Variants in PRH1 observed in about 807,000 individuals in gnomAD.
PRH1 encodes the protein proline rich protein HaeIII subfamily 1.
In PRH1, 7 loss-of-function variants were observed where a neutral mutation model predicts 7.9. That is an observed-to-expected ratio of 0.89 (90% CI 0.50 to 1.67). The LOEUF (loss-of-function observed/expected upper bound fraction) is 1.67. Ranked by LOEUF, PRH1 falls within the 40% of genes most tolerant of loss-of-function variation. PRH1 has a pLI of 0.00. For missense variants in PRH1, 109 were observed against 223.6 expected (o/e 0.49, Z 3.27); for synonymous variants, 45 against 80.8 (o/e 0.56, Z 2.38).
intron 1 of PRH1, among the ~76,000 whole-genome samples, chr12:11,070,106 C>T (rs1271657235): frequency 4.6e-5 from 7 of 152,140 alleles, no homozygotes; most frequent in Admixed American, 2.0e-4. Context: ...AGCTGATGCC[C>T]TGGCAGTTGA....
intron 1 of PRH1, among the ~76,000 whole-genome samples, chr12:11,087,136 C>T (rs1180105200): frequency 3.5e-3 from 293 of 83,476 alleles, no homozygotes; most frequent in East Asian, 5.2e-3. Flanking sequence ...CAGTCTCCCT[C>T]TGTTACCCAA....
At position 11,168,272 on chromosome 12, in the gene PRH1, GAAAGAAAGAAAGAAAGAAAGAAAGAAA is replaced by G. The variant is rs1947666228; in HGVS notation, n.39+3123_39+3149del. On this transcript the variant is annotated intron_variant and non_coding_transcript_variant, in intron 1 of 1. Coordinates refer to the PRH1 transcript ENST00000541175. Reference sequence around the variant, plus strand: ...AGAAAGAAAGAAAGAAAGAAAGAAAGAAAGAAAGAAAGAAAGAAAGAAAGAAAGAAGGAAGGAAGGAAGGAAGGAAGG... The same window carrying G: ...AGAAAGAAAGAAAGAAAGAAAGAAAGGAAGGAAGGAAGGAAGGAAGGAAGG... Among the ~76,000 whole-genome samples the G allele has an allele frequency of 5.3e-4, 17 of 32,016 alleles. 1 individual carries two copies. The highest frequency in any genetic ancestry group is 1.1e-3 in the Non-Finnish European group (13 of 12,156). The allele number at this position is 32,016 out of a possible 152,430, so 21.0% of individuals were successfully genotyped here.
chr12:10,886,804 T>C (rs1949499035), upstream of PRH1, among the ~76,000 whole-genome samples: 1 of 152,330 alleles, frequency 6.6e-6, no homozygotes, highest in East Asian at 1.9e-4. Flanking sequence ...CAGGAACTTA[T>C]GCATTAGCCG....
At chr12:10,947,977 A>T (rs1460233524) in intron 2 of PRH1, among the ~76,000 whole-genome samples, 1 of 152,114 alleles carries the variant, frequency 6.6e-6, no homozygotes, top group Non-Finnish European at 1.5e-5. Flanking sequence ...CTAATTTGTA[A>T]GAACTCAGCT....
intron 1 of PRH1, chr12:11,077,944 G>T: frequency 1.1e-6 from 1 of 926,742 alleles, no homozygotes; most frequent in Non-Finnish European, 1.7e-6. Flanking sequence ...GCTGAGGCTA[G>T]CAGCAAGCCA....
chr12:11,054,546 T>G (rs563451248), intron 1 of PRH1, among the ~76,000 whole-genome samples: 138 of 152,286 alleles, frequency 9.1e-4, no homozygotes, highest in African/African-American at 3.2e-3. Context: ...AACTTTGTAC[T>G]ATCAAAATAT....
chr12:10,889,365 T>C (rs1440504173), intron 2 of PRH1, among the ~76,000 whole-genome samples: 1 of 152,240 alleles, frequency 6.6e-6, no homozygotes, highest in Non-Finnish European at 1.5e-5. Flanking sequence ...TTCTGGTTTC[T>C]GGTGATAATA....
At chr12:10,887,755 T>A (rs896419897), upstream of PRH1, among the ~76,000 whole-genome samples, 13 of 152,114 alleles carry the variant, frequency 8.5e-5, no homozygotes, top group Non-Finnish European at 1.5e-4. Flanking sequence ...GTCACATGGC[T>A]AGGGTCACTG....
intron 1 of PRH1, among the ~76,000 whole-genome samples, chr12:11,153,283 A>G (rs28542794): frequency 0.21 from 32,189 of 152,140 alleles, 4,000 homozygotes; most frequent in Non-Finnish European, 0.27. Context: ...CTAACATAAC[A>G]TTCCTACGAC....
intron 1 of PRH1, among the ~76,000 whole-genome samples, chr12:11,160,149 T>A (rs959416709): frequency 1.3e-5 from 2 of 152,232 alleles, no homozygotes; most frequent in African/African-American, 4.8e-5. Context: ...AAATTTTGAA[T>A]AGAAATTGTT....
At chr12:11,091,846 G>T in intron 1 of PRH1, 6 of 1,470,470 alleles carry the variant, frequency 4.1e-6, no homozygotes, top group Non-Finnish European at 5.7e-6. Context: ...TCACCAGAAT[G>T]ACACTCTTAA....
chr12:11,132,980 T>G (rs1946410701), intron 1 of PRH1: 1 of 288,838 alleles, frequency 3.5e-6, no homozygotes, highest in Non-Finnish European at 6.3e-6. Context: ...ATATAAATTC[T>G]ACAAATGAAA....
chr12:11,023,824 C>A (rs1941778280), intron 1 of PRH1, among the ~76,000 whole-genome samples: 1 of 152,166 alleles, frequency 6.6e-6, no homozygotes, highest in African/African-American at 2.4e-5. Flanking sequence ...ATCCACCAAA[C>A]CTAGGTTAGA....
chr12:11,159,964 C>G (rs575603904), intron 1 of PRH1, among the ~76,000 whole-genome samples: 2 of 152,172 alleles, frequency 1.3e-5, no homozygotes, highest in Admixed American at 1.3e-4. Flanking sequence ...TATATAATTT[C>G]TAGAACAAAC....
intron 1 of PRH1, among the ~76,000 whole-genome samples, chr12:11,036,364 C>T (rs1346847499): frequency 6.6e-6 from 1 of 152,184 alleles, no homozygotes; most frequent in Non-Finnish European, 1.5e-5. Flanking sequence ...TGGAATTCCA[C>T]CATTTAATCC....
chr12:11,022,354 G>T, intron 1 of PRH1: 1 of 1,614,108 alleles, frequency 6.2e-7, no homozygotes, highest in Non-Finnish European at 8.5e-7. Context: ...ATATAAAGCA[G>T]AATTAAACAC....
chr12:10,924,701 G>A (rs984478038), intron 2 of PRH1, among the ~76,000 whole-genome samples: 1 of 152,178 alleles, frequency 6.6e-6, no homozygotes, highest in African/African-American at 2.4e-5. Context: ...TATACTCAGG[G>A]ATTCAAATTC....
chr12:10,908,910 A>G (rs1949850551), intron 2 of PRH1: 2 of 1,612,884 alleles, frequency 1.2e-6, no homozygotes, highest in Non-Finnish European at 1.7e-6. Context: ...TATCATCAGA[A>G]TCACTTTGTT....
Position 11,036,801 on chromosome 12 carries a change from A to C in PRH1, c.-126+10219T>G, listed in dbSNP as rs573489244. Among the ~76,000 whole-genome samples the C allele has an allele frequency of 7.2e-5, 11 of 152,350 alleles. No homozygotes were observed. In the South Asian group the frequency reaches 2.3e-3, roughly 32 times the overall value. On this transcript the variant is annotated intron_variant, in intron 1 of 3. Coordinates refer to the PRH1 transcript ENST00000539853. The stretch of plus-strand genomic sequence containing the variant: ...AAATTATGTATTTAAATATTTCAAA[A>C]ACAAACCACTTCATGATATAGATGA...
Sources: allele counts gnomAD v4.1 joint callset (sites outside exome capture counted in the v4.1 genomes callset), GRCh38; gene constraint gnomAD v4.1.1; transcripts MANE v1.5; gene names NCBI Gene and HGNC (gene_info 2026-07-23, HGNC 2026-07-21).